The following MYH2 variants were observed in gnomAD, a reference collection of about 807,000 sequenced individuals.
MYH2 encodes the protein myosin-2.
A neutral mutation model predicts 228.1 loss-of-function variants in MYH2; 139 were observed. That is an observed-to-expected ratio of 0.61 (90% CI 0.53 to 0.70). The LOEUF (loss-of-function observed/expected upper bound fraction) is 0.70, where lower values mean the gene tolerates loss of function less well. MYH2 is among the 30% of genes least tolerant of loss of function. The pLI, the probability that MYH2 is intolerant of heterozygous loss-of-function variation, is 0.00. For missense variants in MYH2, 1,809 were observed against 2,357.5 expected, an observed-to-expected ratio of 0.77 and a Z score of 4.82; for synonymous variants, 796 against 871.1, an observed-to-expected ratio of 0.91 and a Z score of 1.52.
At chr17:10,549,203 A>T (rs1283217369) in intron 2 of MYH2, among the ~76,000 whole-genome samples, 172 bp downstream of exon 2, 3 of 152,204 alleles carry the variant, frequency 2.0e-5, no homozygotes, top group African/African-American at 7.2e-5. Context: ...GTAAATGAGG[A>T]TGTGTGCATT....
chr17:10,540,467 C>T (rs768507759), intron 11 of MYH2, 127 bp downstream of exon 11: 4 of 827,656 alleles, frequency 4.8e-6, no homozygotes, highest in African/African-American at 3.4e-5. Context: ...TCATTTGACT[C>T]CAAGGGGCAT....
At chr17:10,538,617 C>G (rs1239797618) in intron 14 of MYH2, among the ~76,000 whole-genome samples, 1 of 150,266 alleles carries the variant, frequency 6.7e-6, no homozygotes, top group Non-Finnish European at 1.5e-5. Flanking sequence ...TGCACTCCAG[C>G]CTGGGCAACA....
chr17:10,531,711 C>G lies in MYH2; in HGVS notation c.2619G>C (p.Glu873Asp). 3.1e-6 allele frequency: 5 copies of G among 1,614,088 alleles called. No homozygotes were observed. The highest frequency in any genetic ancestry group is 4.2e-6 in the Non-Finnish European group (5 of 1,180,010). ...QKIKDELAKS[E>D]AKRKELEEKM... is the part of the protein sequence containing the mutation. ...TTTCTTCCAGTTCCTTCCTTTTTGC[C>G]TCTGACTTGGCAAGTTCGTCTTTAA... is the stretch of plus-strand genomic sequence containing the variant. Residue 873 changes from glutamate to aspartate, a missense_variant, in exon 22 of 40, where the codon GAG becomes GAC. By Grantham distance (45) the Glu-to-Asp change is conservative (BLOSUM62 2). This residue lies in a region of MYH2 where 276 missense variants were observed against 344.2 expected (regional missense o/e 0.80). Coordinates refer to ENST00000245503, the MANE Select transcript of MYH2 (RefSeq NM_017534.6).
In MYH2 at chr17:10,538,576, C is replaced by T. The variant is rs575197366; in HGVS notation, c.1416+629G>A. ...AGGAGAATGGCGTGAACCCAGGAGG[C>T]GGAGCTTGCAGTGAGCCGAGATCAC... On this transcript the variant is annotated intron_variant, in intron 14 of 39. Transcript: ENST00000245503. 5.0e-4 allele frequency among the ~76,000 whole-genome samples: 75 copies of T among 149,526 alleles called. 1 individual carries two copies. The highest frequency in any genetic ancestry group is 1.7e-3 in the African/African-American group (70 of 40,616).
In MYH2 at chr17:10,529,614, C is replaced by G. The variant is rs201925793; in HGVS notation, c.3067G>C (p.Val1023Leu). Residue 1023 changes from valine (V) to leucine (L), a missense_variant, in exon 24 of 40, where the codon GTC (valine) becomes CTC (leucine). Coordinates refer to ENST00000245503, the MANE Select transcript of MYH2 (RefSeq NM_017534.6). ...ATTTTAGCTTTGGTCAGGGTGTTGACTTTGTCCTCCTCTGCCTGCAGGTCA... is the reference window on the plus strand; with the variant it reads ...ATTTTAGCTTTGGTCAGGGTGTTGAGTTTGTCCTCCTCTGCCTGCAGGTCA... ...LDDLQAEEDK[V>L]NTLTKAKIKL... The G allele has an allele frequency of 1.8e-4, 284 of 1,614,134 alleles. 1 individual carries two copies. In the Middle Eastern group the frequency reaches 1.8e-3, roughly 10 times the overall value.
In MYH2 at chr17:10,547,380, G is replaced by A. The variant is rs1189089439; in HGVS notation, c.348+95C>T. ...GTTATGCTGCAATGAAAGTGAAATG[G>A]GTCACTACCTGTGACCTATTTATGC... On this transcript the variant is annotated intron_variant, in intron 4 of 39. Transcript: ENST00000245503. The A allele has an allele frequency of 2.7e-6, 4 of 1,488,290 alleles. No individual in the cohort carries two copies. The South Asian group carries it at 3.4e-5, about 13-fold the overall frequency. The allele number at this position is 1,488,290 out of a possible 1,614,324, so 92.2% of individuals were successfully genotyped here. A position where few individuals can be genotyped will look rare whatever the true frequency, so the allele number is the denominator to read the frequency against.
chr17:10,523,059 A>G (rs756576935), intron 39 of MYH2, 31 bp downstream of exon 39: 2 of 1,480,956 alleles, frequency 1.4e-6, no homozygotes, highest in Non-Finnish European at 1.9e-6. Context: ...TATTAGCTTA[A>G]TTTGAGGACT....
At position 10,531,692 on chromosome 17, in the gene MYH2, C is replaced by T. The variant is rs777723163; in HGVS notation, c.2638G>A (p.Glu880Lys). 8 of 1,614,180 alleles carry T rather than the reference C, an allele frequency of 5.0e-6. No homozygotes were observed. The highest frequency in any genetic ancestry group is 6.8e-6 in the Non-Finnish European group (8 of 1,180,024). ...AKSEAKRKEL[E>K]EKMVTLLKEK... ...TTCAACAGCGTCACCATCTTTTCTT[C>T]CAGTTCCTTCCTTTTTGCCTCTGAC... is the stretch of plus-strand genomic sequence containing the variant. The change falls in exon 22 of 40, where the codon GAA becomes AAA. Residue 880 changes from glutamate (E) to lysine (K), a missense_variant. Physicochemically the swap from Glu to Lys is moderately conservative, Grantham distance 56 (BLOSUM62 1). Coordinates refer to ENST00000245503, the MANE Select transcript of MYH2 (RefSeq NM_017534.6).
chr17:10,526,676 G>A lies in MYH2; in HGVS notation c.4110C>T (p.Ala1370=), dbSNP rs377674160. The change falls in exon 30 of 40, where the codon GCC becomes GCT. Residue 1370 remains alanine (A), a synonymous_variant. Transcript: ENST00000245503. ...TCCTCCATTGGGCAACCTCGGTGTT[G>A]GCCTTGGACAGTGCTCTCTGCAGCT... ...KAELQRALSK[A]NTEVAQWRTK... is the part of the protein sequence containing the mutation. 80 of 1,613,938 alleles carry A rather than the reference G, an allele frequency of 5.0e-5. No homozygotes were observed. Among genetic ancestry groups the A allele is most frequent in the Non-Finnish European group, 5.9e-6 (7 of 1,179,926 alleles).
chr17:10,529,433 T>A lies in MYH2; in HGVS notation c.3166A>T (p.Arg1056Trp), dbSNP rs2073397152. ...QEKKLRMDLE[R>W]AKRKLEGDLK... ...TCACCCTCAAGTTTCCTCTTAGCCC[T>A]TTCTAGGTCCATGCGAAGTTTCTTT... Residue 1056 changes from arginine to tryptophan, a missense_variant, in exon 25 of 40, where the codon AGG (arginine) becomes TGG (tryptophan). Coordinates refer to ENST00000245503, the MANE Select transcript of MYH2 (RefSeq NM_017534.6). The A allele has an allele frequency of 1.2e-6, 2 of 1,614,208 alleles. No homozygotes were observed. The highest frequency in any genetic ancestry group is 4.5e-5 in the East Asian group (2 of 44,884).
chr17:10,525,300 A>T lies in MYH2; in HGVS notation c.4586T>A (p.Ile1529Asn). ...TTTCTTTATTTTCTCCAGTTCATGG[A>T]TACGTTTCCCTCCTTCTGCAATCTG... ...TEQIAEGGKR[I>N]HELEKIKKQV... is the part of the protein sequence containing the mutation. Residue 1529 changes from isoleucine to asparagine, a missense_variant, in exon 33 of 40, where the codon ATC becomes AAC. Coordinates refer to ENST00000245503, the MANE Select transcript of MYH2 (RefSeq NM_017534.6). This position sits in a 1 kb window ranked among gnomAD's most constrained non-coding sequence, Gnocchi z 4.2. The T allele has an allele frequency of 6.2e-7, 1 of 1,614,126 alleles. No individual in the cohort carries two copies. The highest frequency in any genetic ancestry group is 8.5e-7 in the Non-Finnish European group (1 of 1,180,012).
Position 10,536,942 on chromosome 17 carries a change from A to C in MYH2, c.1897+291T>G, listed in dbSNP as rs934285412. 3.2e-4 allele frequency among the ~76,000 whole-genome samples: 49 copies of C among 152,204 alleles called. 1 individual carries two copies. On this transcript the variant is annotated intron_variant, in intron 16 of 39. Coordinates refer to ENST00000245503, the MANE Select transcript of MYH2 (RefSeq NM_017534.6). ...TCTGTTGCCTAAGATTTATACCCTC[A>C]GATACTCTATATATCCTGCAGATGT... is the stretch of plus-strand genomic sequence containing the variant.
At position 10,527,806 on chromosome 17, in the gene MYH2, C is replaced by T. The variant is rs765981198; in HGVS notation, c.3813G>A (p.Glu1271=). The change falls in exon 28 of 40, where the codon GAG becomes GAA. Residue 1271 remains glutamate, a synonymous_variant. Transcript: ENST00000245503. ...TCAGGTCATTGATCAGCCGCTGCTGCTCCTCTTCCTTTGATTTCAGTTCAC... is the reference window on the plus strand; with the variant it reads ...TCAGGTCATTGATCAGCCGCTGCTGTTCCTCTTCCTTTGATTTCAGTTCAC... ...QLSELKSKEE[E]QQRLINDLTA... 1 of 1,614,140 alleles carries T rather than the reference C, an allele frequency of 6.2e-7. No homozygotes were observed. Among genetic ancestry groups the T allele is most frequent in the Non-Finnish European group, 8.5e-7 (1 of 1,180,036 alleles).
intron 10 of MYH2, 92 bp from the exon 11 acceptor site, chr17:10,540,789 G>A: frequency 1.7e-6 from 2 of 1,153,802 alleles, no homozygotes; most frequent in Non-Finnish European, 2.5e-6. Context: ...CTATATTGTT[G>A]TGGGAACTCA....
Position 10,521,232 on chromosome 17 carries a change from G to A in MYH2, c.*48C>T. 3.7e-6 allele frequency: 6 copies of A among 1,600,040 alleles called. No homozygotes were observed. Among genetic ancestry groups the A allele is most frequent in the Non-Finnish European group, 4.3e-6 (5 of 1,168,894 alleles). ...ATTACAGAGGGAAATGACCAAAGAT[G>A]TCACATTTTGTGCCTGTCTTCAGTC... On this transcript the variant is annotated 3_prime_UTR_variant, in exon 40 of 40. Coordinates refer to ENST00000245503, the MANE Select transcript of MYH2 (RefSeq NM_017534.6).
rs775564358 is a variant in MYH2 at position 10,539,347 on chromosome 17, T to C, written c.1274A>G (p.Asn425Ser). ...GGCTTTGGCCAGAGCACCTACTGCGTTGGACACCTTAAAAGACAAAATTAT... is the reference window on the plus strand; with the variant it reads ...GGCTTTGGCCAGAGCACCTACTGCGCTGGACACCTTAAAAGACAAAATTAT... The part of the protein sequence containing the change: ...TKGQTVEQVS[N>S]AVGALAKAVY... Residue 425 changes from asparagine to serine, a missense_variant, in exon 14 of 40, where the codon AAC (asparagine) becomes AGC (serine). Around this residue, in one of 9 missense-constraint regions of MYH2, gnomAD observed 373 missense variants for 620.4 expected, o/e 0.60. Coordinates refer to ENST00000245503, the MANE Select transcript of MYH2 (RefSeq NM_017534.6). 8.1e-6 allele frequency: 13 copies of C among 1,614,104 alleles called. No homozygotes were observed. The Admixed American group carries it at 1.0e-4, about 12-fold the overall frequency.
chr17:10,528,034 T>G (rs1422819763), intron 27 of MYH2, among the ~76,000 whole-genome samples, 160 bp from the exon 28 acceptor site: 1 of 138,598 alleles, frequency 7.2e-6, no homozygotes, highest in Non-Finnish European at 1.6e-5. Context: ...TGCAGAAAAA[T>G]TTTTCTTTCT....
rs2073393982 is a variant in MYH2, at chr17:10,529,229, A to G, written c.3287T>C (p.Leu1096Pro). ...CTGTTCATCTTCAATCTTGCTTTGC[A>G]GATTGCTGATTTCAAACTCTTTCCT... ...LKKKEFEISN[L>P]QSKIEDEQAL... The change falls in exon 26 of 40, where the codon CTG (leucine) becomes CCG (proline). Residue 1096 changes from leucine to proline, a missense_variant. By Grantham distance (98) the Leu-to-Pro change is moderately conservative. Coordinates refer to ENST00000245503, the MANE Select transcript of MYH2 (RefSeq NM_017534.6). 1 of 1,614,100 alleles carries G rather than the reference A, an allele frequency of 6.2e-7. No homozygotes were observed. The highest frequency in any genetic ancestry group is 1.7e-5 in the Admixed American group (1 of 60,008).
At chr17:10,531,598 T>C in intron 22 of MYH2, 35 bp downstream of exon 22, 1 of 1,614,132 alleles carries the variant, frequency 6.2e-7, no homozygotes, top group Non-Finnish European at 8.5e-7. Flanking sequence ...ACCTGCATCC[T>C]GGTTAGTGAT....
Sources: gnomAD v4.1 joint callset for allele counts (sites outside exome capture counted in the v4.1 genomes callset) on GRCh38, gnomAD v4.1.1 for gene constraint, gnomAD v4.1.1 regional missense constraint, Gnocchi (gnomAD v3.1) non-coding constraint, MANE v1.5 for transcripts, NCBI Gene and HGNC (gene_info 2026-07-23, HGNC 2026-07-21) for gene names.